Variants in EPHA6 observed in about 807,000 individuals in gnomAD.
EPHA6 encodes the protein EPH receptor A6, also known as ephrin type-A receptor 6.
Under a neutral mutation model 112.0 loss-of-function variants are expected in EPHA6, and 50 were observed. The ratio of observed to expected loss-of-function variants is 0.45; its 90% CI spans 0.36 to 0.56. EPHA6 has a LOEUF of 0.56. EPHA6 is among the 20% of genes least tolerant of loss of function. The pLI, the probability that EPHA6 is intolerant of heterozygous loss-of-function variation, is 0.00. For missense variants in EPHA6, 1,280 were observed against 1,417.4 expected (o/e 0.90, Z 1.56); for synonymous variants, 529 against 490.7 (o/e 1.08, Z -1.03).
chr3:97,162,624 AAGAT>A (rs2076441495), intron 3 of EPHA6, among the ~76,000 whole-genome samples: 1 of 152,120 alleles, frequency 6.6e-6, no homozygotes, highest in Non-Finnish European at 1.5e-5. Context: ...CCCTGGTAAA[AAGAT>A]AGAGATGCCT....
chr3:97,044,304 T>C (rs2213261), intron 3 of EPHA6, among the ~76,000 whole-genome samples: 42,961 of 152,094 alleles, frequency 0.28, 10,536 homozygotes, highest in African/African-American at 0.65. Flanking sequence ...ATCAAACACT[T>C]CAAGCAAGAA....
intron 5 of EPHA6, among the ~76,000 whole-genome samples, chr3:97,360,054 C>G (rs2108929763): frequency 6.6e-6 from 1 of 152,278 alleles, no homozygotes; most frequent in East Asian, 1.9e-4. Flanking sequence ...ATCTGTACCT[C>G]TGTGATCAGA....
At position 97,666,648 on chromosome 3, in the gene EPHA6, C is replaced by T. The variant is rs1036500308; in HGVS notation, c.2784+28566C>T. On this transcript the variant is annotated intron_variant, in intron 14 of 17. Transcript: ENST00000389672. The stretch of plus-strand genomic sequence containing the variant: ...CCAGGGATATTGGATTAGAAGCCCA[C>T]CCTACTTCAGTATGACCTCATTTTA... Among the ~76,000 whole-genome samples, 4 of 152,166 alleles carry T rather than the reference C, an allele frequency of 2.6e-5. No individual in the cohort carries two copies. The South Asian group carries it at 8.3e-4, about 32-fold the overall frequency.
At chr3:97,322,847 A>G (rs2082184618) in intron 5 of EPHA6, among the ~76,000 whole-genome samples, 1 of 152,050 alleles carries the variant, frequency 6.6e-6, no homozygotes, top group Non-Finnish European at 1.5e-5. Flanking sequence ...TCAGTGAGGA[A>G]CAATCCTCCT....
chr3:97,581,109 C>T (rs1369030844), intron 11 of EPHA6, among the ~76,000 whole-genome samples: 3 of 152,178 alleles, frequency 2.0e-5, no homozygotes, highest in African/African-American at 7.2e-5. Context: ...GATCGTCTCT[C>T]TGTCTGTCTC....
At chr3:97,098,098 TA>T (rs1276157276) in intron 3 of EPHA6, among the ~76,000 whole-genome samples, 4 of 151,950 alleles carry the variant, frequency 2.6e-5, no homozygotes, top group African/African-American at 9.7e-5. Context: ...ATGTTGGAAT[TA>T]ACAAAGTTCT....
chr3:97,012,971 A>G (rs2044143247), intron 3 of EPHA6, among the ~76,000 whole-genome samples: 1 of 152,036 alleles, frequency 6.6e-6, no homozygotes, highest in African/African-American at 2.4e-5. Flanking sequence ...GAATTGTTTT[A>G]GTTCTTTACA....
At chr3:97,108,736 A>G (rs752190960) in intron 3 of EPHA6, among the ~76,000 whole-genome samples, 7 of 152,176 alleles carry the variant, frequency 4.6e-5, no homozygotes, top group Non-Finnish European at 8.8e-5. Context: ...AACATTAACA[A>G]GCTAGGACAT....
At chr3:97,514,608 TC>T (rs920612374) in intron 10 of EPHA6, among the ~76,000 whole-genome samples, 4 of 152,086 alleles carry the variant, frequency 2.6e-5, no homozygotes, top group Admixed American at 1.3e-4. Context: ...CTGAATTGTG[TC>T]CCCCCAGAAT....
At chr3:97,493,957 T>G (rs1350893180) in intron 10 of EPHA6, among the ~76,000 whole-genome samples, 1 of 152,160 alleles carries the variant, frequency 6.6e-6, no homozygotes, top group Non-Finnish European at 1.5e-5. Flanking sequence ...TTTCAGATAA[T>G]ATGCTGATGT....
chr3:97,234,798 A>C (rs764022926), intron 4 of EPHA6, among the ~76,000 whole-genome samples: 8 of 152,104 alleles, frequency 5.3e-5, no homozygotes, highest in Non-Finnish European at 8.8e-5. Flanking sequence ...TGTCACCTGT[A>C]GATAGATGAT....
chr3:97,543,268 TG>T (rs1365333344), intron 11 of EPHA6, among the ~76,000 whole-genome samples: 1 of 152,224 alleles, frequency 6.6e-6, no homozygotes, highest in East Asian at 1.9e-4. Flanking sequence ...AATTGATTTT[TG>T]TATAAGGTGT....
intron 2 of EPHA6, among the ~76,000 whole-genome samples, chr3:96,893,700 A>C (rs1020628965): frequency 2.0e-5 from 3 of 152,224 alleles, no homozygotes; most frequent in African/African-American, 4.8e-5. Flanking sequence ...AGAAACTTGC[A>C]GTGATCTAGC....
intron 16 of EPHA6, among the ~76,000 whole-genome samples, chr3:97,739,941 G>A (rs2035428096): frequency 3.3e-5 from 5 of 152,044 alleles, no homozygotes; most frequent in African/African-American, 1.2e-4. Context: ...GTCATGTCAT[G>A]CACAGCCCTT....
chr3:96,838,565 T>C lies in EPHA6; in HGVS notation c.385+23557T>C, dbSNP rs1324650182. On this transcript the variant is annotated intron_variant, in intron 1 of 17. Transcript: ENST00000389672. Reference sequence around the variant, plus strand: ...TCTATAACATCAGCAGCATCTGTGTTTTTTGACTTTTTAGTGGTACCCAGA... The same window carrying C: ...TCTATAACATCAGCAGCATCTGTGTCTTTTGACTTTTTAGTGGTACCCAGA... Among the ~76,000 whole-genome samples, 4 of 152,160 alleles carry C rather than the reference T, an allele frequency of 2.6e-5. No individual in the cohort carries two copies. The East Asian group carries it at 7.7e-4, about 29-fold the overall frequency.
At chr3:97,164,680 A>G (rs1202101156) in intron 3 of EPHA6, among the ~76,000 whole-genome samples, 1 of 152,084 alleles carries the variant, frequency 6.6e-6, no homozygotes, top group African/African-American at 2.4e-5. Context: ...CACATGGCAT[A>G]TGTGGTTCCC....
intron 5 of EPHA6, among the ~76,000 whole-genome samples, chr3:97,288,924 ATTT>A (rs374397667): frequency 1.7e-4 from 19 of 111,276 alleles, no homozygotes; most frequent in East Asian, 1.5e-3. Flanking sequence ...TTTAATGGGG[ATTT>A]TTTTTTTTTT....
chr3:96,849,700 G>A (rs1202419694), intron 1 of EPHA6, among the ~76,000 whole-genome samples: 1 of 152,126 alleles, frequency 6.6e-6, no homozygotes, highest in African/African-American at 2.4e-5. Context: ...TGGGCTTTAA[G>A]GCCCAGCTGG....
chr3:97,637,437 T>C (rs558865989), intron 13 of EPHA6, among the ~76,000 whole-genome samples: 139 of 152,310 alleles, frequency 9.1e-4, no homozygotes, highest in African/African-American at 3.2e-3. Context: ...TCTCCAGTTA[T>C]CACACGGGTT....
Sources: allele counts gnomAD v4.1 joint callset (sites outside exome capture counted in the v4.1 genomes callset), GRCh38; gene constraint gnomAD v4.1.1; transcripts MANE v1.5; gene names NCBI Gene and HGNC (gene_info 2026-07-23, HGNC 2026-07-21).